Variants in PKHD1 observed in about 807,000 individuals in gnomAD.
PKHD1 encodes the protein fibrocystin.
A neutral mutation model predicts 412.0 loss-of-function variants in PKHD1; 291 were observed. The observed-to-expected ratio is 0.71, with a 90% CI of 0.64 to 0.78. The LOEUF (loss-of-function observed/expected upper bound fraction) is 0.78. PKHD1 is among the 30% of genes least tolerant of loss of function. The pLI is 0.00. For synonymous variants in PKHD1, 1,777 were observed against 1,821.5 expected, an observed-to-expected ratio of 0.98 and a Z score of 0.62; for missense variants, 4,825 against 4,950.7, an observed-to-expected ratio of 0.97 and a Z score of 0.76.
At chr6:52,001,903 C>T (rs1798447922) in intron 35 of PKHD1, among the ~76,000 whole-genome samples, 1 of 152,120 alleles carries the variant, frequency 6.6e-6, no homozygotes, top group Non-Finnish European at 1.5e-5. Flanking sequence ...TTACAGAGTA[C>T]TCACAGACTG....
chr6:51,971,042 G>A (rs1448471994), intron 35 of PKHD1, among the ~76,000 whole-genome samples: 6 of 152,102 alleles, frequency 3.9e-5, no homozygotes, highest in South Asian at 2.1e-4. Flanking sequence ...CTTTCAATCC[G>A]TGAGCATGAG....
intron 35 of PKHD1, among the ~76,000 whole-genome samples, chr6:51,992,494 T>C (rs550677238): frequency 1.6e-4 from 24 of 152,330 alleles, no homozygotes; most frequent in African/African-American, 4.8e-4. Flanking sequence ...GTGCCTGGAT[T>C]TGAAAGGGTG....
Position 51,838,949 on chromosome 6 carries a change from T to C in PKHD1, c.8108-2480A>G, listed in dbSNP as rs541588719. 5.9e-5 allele frequency among the ~76,000 whole-genome samples: 9 copies of C among 152,316 alleles called. No homozygotes were observed. The East Asian group carries it at 1.4e-3, about 23-fold the overall frequency. ...ACAGTGCCTGGCACATCATGAACAA[T>C]AAATGTTAACTATTATCAATACTGT... On this transcript the variant is annotated intron_variant, in intron 50 of 66. Coordinates refer to ENST00000371117, the MANE Select transcript of PKHD1 (RefSeq NM_138694.4).
At chr6:51,647,269 G>A (rs1030218468) in intron 63 of PKHD1, among the ~76,000 whole-genome samples, 1 of 152,128 alleles carries the variant, frequency 6.6e-6, no homozygotes, top group Admixed American at 6.6e-5. Context: ...GGGTTAAATA[G>A]GAACTTAGAA....
chr6:51,976,364 T>C (rs1328296395), intron 35 of PKHD1, among the ~76,000 whole-genome samples: 1 of 152,164 alleles, frequency 6.6e-6, no homozygotes, highest in Non-Finnish European at 1.5e-5. Flanking sequence ...TTAAGGACAA[T>C]ATTATGCTAA....
intron 2 of PKHD1, 55 bp downstream of exon 2, chr6:52,084,827 C>A: frequency 9.3e-7 from 1 of 1,079,114 alleles, no homozygotes; most frequent in South Asian, 1.2e-5. Context: ...TAATAGTTCT[C>A]AAGGTAACCT....
At position 52,073,681 on chromosome 6, in the gene PKHD1, T is replaced by C. The variant is rs549089345; in HGVS notation, c.449-140A>G. Reference sequence around the variant, plus strand: ...CCAGAAAATTAATACTTTTAATAAATTGTACAACAGTAAGGTCAAGGGTAT... The same window carrying C: ...CCAGAAAATTAATACTTTTAATAAACTGTACAACAGTAAGGTCAAGGGTAT... On this transcript the variant is annotated intron_variant, in intron 6 of 66. Coordinates refer to ENST00000371117, the MANE Select transcript of PKHD1 (RefSeq NM_138694.4). The C allele has an allele frequency of 2.6e-4, 177 of 670,674 alleles. 1 individual carries two copies. In the African/African-American group the frequency reaches 2.7e-3, roughly 10 times the overall value. 41.5% of individuals were successfully genotyped at this position (670,674 alleles called of 1,614,324 possible).
intron 37 of PKHD1, 24 bp from the exon 38 acceptor site, chr6:51,912,600 G>A: frequency 6.7e-7 from 1 of 1,486,190 alleles, no homozygotes; most frequent in Non-Finnish European, 9.4e-7. Flanking sequence ...AGGAAAAGTT[G>A]TCCAGATAAT....
intron 51 of PKHD1, among the ~76,000 whole-genome samples, chr6:51,832,706 G>C (rs1438381386): frequency 6.6e-6 from 1 of 152,056 alleles, no homozygotes; most frequent in African/African-American, 2.4e-5. Context: ...AAACTCTGAG[G>C]GTGGTTGTAA....
At chr6:51,677,577 G>A (rs745343189) in intron 60 of PKHD1, among the ~76,000 whole-genome samples, 5 of 152,182 alleles carry the variant, frequency 3.3e-5, no homozygotes, top group African/African-American at 9.6e-5. Context: ...CCATGAGGAC[G>A]CACTTCCAAA....
chr6:51,637,020 A>G (rs1404508529), intron 64 of PKHD1, among the ~76,000 whole-genome samples: 2 of 152,232 alleles, frequency 1.3e-5, no homozygotes, highest in Admixed American at 1.3e-4. Context: ...AGAAACTACA[A>G]TAAAGCAGTA....
intron 49 of PKHD1, among the ~76,000 whole-genome samples, chr6:51,854,908 T>C (rs1452606450): frequency 2.6e-5 from 4 of 152,208 alleles, no homozygotes; most frequent in Non-Finnish European, 4.4e-5. Flanking sequence ...AGCTCCAAAC[T>C]GGGAGCTCAA....
intron 55 of PKHD1, among the ~76,000 whole-genome samples, chr6:51,759,883 C>T (rs969932751): frequency 1.3e-5 from 2 of 152,106 alleles, no homozygotes; most frequent in African/African-American, 4.8e-5. Flanking sequence ...AGTCTGCCTG[C>T]CCTCAAAGTT....
At chr6:51,741,023 A>G (rs1784484514) in intron 60 of PKHD1, 1 of 503,342 alleles carries the variant, frequency 2.0e-6, no homozygotes, top group Admixed American at 2.0e-5. Context: ...TTGTCCACAC[A>G]CTGATAGTAA....
At position 51,721,973 on chromosome 6, in the gene PKHD1, G is replaced by A. The variant is rs9349593; in HGVS notation, c.10156+22412C>T. The stretch of plus-strand genomic sequence containing the variant: ...TTAATCTTTCAAAGTTCAGCTTCCT[G>A]CAGGCTCCTCCTCTATTCTGAAATC... On this transcript the variant is annotated intron_variant, in intron 60 of 66. Coordinates refer to ENST00000371117, the MANE Select transcript of PKHD1 (RefSeq NM_138694.4). The A allele has an allele frequency of 0.59, 946,764 of 1,612,440 alleles. 287,220 individuals are homozygous for A. The highest frequency in any genetic ancestry group is 0.91 in the East Asian group (40,878 of 44,852).
chr6:51,721,983 C>A (rs537692419), intron 60 of PKHD1: 3 of 1,613,540 alleles, frequency 1.9e-6, no homozygotes, highest in Admixed American at 3.3e-5. Context: ...GCAGGCTCCT[C>A]CTCTATTCTG....
chr6:51,759,566 AAAG>A (rs1488932543), intron 55 of PKHD1, among the ~76,000 whole-genome samples: 2 of 152,132 alleles, frequency 1.3e-5, no homozygotes, highest in Non-Finnish European at 2.9e-5. Flanking sequence ...AGGTTGAAAT[AAAG>A]AAGTAAAAAA....
intron 54 of PKHD1, among the ~76,000 whole-genome samples, chr6:51,775,602 T>C (rs866350120): frequency 1.2e-4 from 19 of 152,040 alleles, no homozygotes; most frequent in Middle Eastern, 6.8e-3. Context: ...TGCATGTCGT[T>C]CATCATCTCT....
intron 60 of PKHD1, among the ~76,000 whole-genome samples, chr6:51,704,202 GA>G (rs1779757361): frequency 1.3e-5 from 2 of 151,966 alleles, no homozygotes; most frequent in South Asian, 4.2e-4. Flanking sequence ...CCCATCAAAC[GA>G]AAGACAAAAC....
Sources: gnomAD v4.1 joint callset for allele counts (sites outside exome capture counted in the v4.1 genomes callset) on GRCh38, gnomAD v4.1.1 for gene constraint, MANE v1.5 for transcripts, NCBI Gene and HGNC (gene_info 2026-07-23, HGNC 2026-07-21) for gene names.